Variants in SYNPO observed in about 807,000 individuals in gnomAD.
SYNPO encodes the protein synaptopodin.
Under a neutral mutation model 49.5 loss-of-function variants are expected in SYNPO, and 19 were observed. That is an observed-to-expected ratio of 0.38 (90% CI 0.27 to 0.56). SYNPO has a LOEUF of 0.56. Among genes scored for constraint, SYNPO ranks in the 20% least tolerant of loss-of-function variants. The probability of loss-of-function intolerance (pLI) is 0.68; values close to 1 mark genes in which losing one functional copy is unlikely to be tolerated. For synonymous variants in SYNPO, 536 were observed against 548.0 expected (o/e 0.98, Z 0.31); for missense variants, 1,131 against 1,248.3 (o/e 0.91, Z 1.42).
chr5:150,599,994 G>C (rs1756492717), upstream of SYNPO, among the ~76,000 whole-genome samples: 2 of 152,310 alleles, frequency 1.3e-5, no homozygotes, highest in Middle Eastern at 3.4e-3. Flanking sequence ...CCTGGAGGGA[G>C]CTGGGAACAG....
upstream of SYNPO, among the ~76,000 whole-genome samples, chr5:150,598,017 T>C (rs922793640): frequency 6.6e-6 from 1 of 152,152 alleles, no homozygotes; most frequent in African/African-American, 2.4e-5. Flanking sequence ...CAAACTTCCC[T>C]GTATCAGAAA....
At chr5:150,606,486 G>A (rs1164004665) in intron 1 of SYNPO, among the ~76,000 whole-genome samples, 6 of 152,240 alleles carry the variant, frequency 3.9e-5, no homozygotes, top group African/African-American at 1.2e-4. Flanking sequence ...CACACAGTTC[G>A]TTTTTGGCTT....
upstream of SYNPO, among the ~76,000 whole-genome samples, chr5:150,600,870 C>A (rs562929968): frequency 6.6e-6 from 1 of 152,204 alleles, no homozygotes; most frequent in East Asian, 1.9e-4. Context: ...GTTTGTCAAG[C>A]AGAATATGGG....
chr5:150,652,010 G>A, intron 2 of SYNPO: 1 of 1,000,578 alleles, frequency 1.0e-6, no homozygotes, highest in Non-Finnish European at 1.2e-6. Context: ...TGGGGCAAGG[G>A]GTGGTGGAGG....
In SYNPO at chr5:150,649,155, A is replaced by G; in HGVS notation, c.880A>G (p.Met294Val). 2 of 1,613,744 alleles carry G rather than the reference A, an allele frequency of 1.2e-6. No homozygotes were observed. The highest frequency in any genetic ancestry group is 1.7e-6 in the Non-Finnish European group (2 of 1,179,918). The change falls in exon 2 of 3, where the codon ATG (methionine) becomes GTG (valine). Residue 294 changes from methionine (M) to valine (V), a missense_variant. Around this residue, in one of 4 missense-constraint regions of SYNPO, gnomAD observed 602 missense variants for 720.7 expected, o/e 0.84. Transcript: ENST00000307662. ...GAGACACATAATGTCCCGCAGCCCC[A>G]TGGTGGAAAGGAGGATGATGGGGCA... ...PQRHIMSRSP[M>V]VERRMMGQRS... is the part of the protein sequence containing the mutation.
chr5:150,648,353 G>A lies in SYNPO; in HGVS notation c.78G>A (p.Leu26=). ...KVASEEEEVP[L]VVYLKENAAL... is the part of the protein sequence containing the mutation. ...CCAGTGAGGAGGAAGAGGTACCACT[G>A]GTGGTTTATCTAAAGGAGAATGCAG... The change falls in exon 2 of 3, where the codon CTG becomes CTA. Residue 26 remains leucine (L), a synonymous_variant. Transcript: ENST00000307662. The surrounding 1 kb of genome is among the most constrained non-coding windows in gnomAD (Gnocchi z 5.0). 1 of 1,614,164 alleles carries A rather than the reference G, an allele frequency of 6.2e-7. No homozygotes were observed. The highest frequency in any genetic ancestry group is 1.1e-5 in the South Asian group (1 of 91,080).
upstream of SYNPO, among the ~76,000 whole-genome samples, chr5:150,636,928 G>A (rs1295432310): frequency 2.0e-5 from 3 of 152,180 alleles, no homozygotes; most frequent in Admixed American, 2.0e-4. Context: ...GTCGAGTTAC[G>A]CAGAGGTGGG....
At chr5:150,587,007 G>A in the SYNPO span, among the ~76,000 whole-genome samples, 1 of 151,890 alleles carries the variant, frequency 6.6e-6, no homozygotes, top group Non-Finnish European at 1.5e-5. Context: ...TGCATGGATG[G>A]ATATATGAAT....
intron 2 of SYNPO, among the ~76,000 whole-genome samples, chr5:150,623,160 C>T (rs754202577): frequency 2.2e-4 from 33 of 152,180 alleles, no homozygotes; most frequent in South Asian, 8.3e-4. Flanking sequence ...CACACAAACA[C>T]ACATATTCCC....
chr5:150,611,847 C>A (rs1756856930), intron 1 of SYNPO, among the ~76,000 whole-genome samples: 1 of 152,246 alleles, frequency 6.6e-6, no homozygotes, highest in African/African-American at 2.4e-5. Context: ...TCAGGTGTAG[C>A]AGCAACCTTG....
the SYNPO span, among the ~76,000 whole-genome samples, chr5:150,593,222 C>T: frequency 6.6e-6 from 1 of 152,218 alleles, no homozygotes; most frequent in African/African-American, 2.4e-5. Context: ...GTGCTATCTT[C>T]AGGCAGGGAA....
chr5:150,649,258 C>T lies in SYNPO; in HGVS notation c.983C>T (p.Ala328Val), dbSNP rs2151423583. 1 of 1,614,212 alleles carries T rather than the reference C, an allele frequency of 6.2e-7. No homozygotes were observed. Among genetic ancestry groups the T allele is most frequent in the Non-Finnish European group, 8.5e-7 (1 of 1,180,032 alleles). Residue 328 changes from alanine to valine, a missense_variant, in exon 2 of 3, where the codon GCC (alanine) becomes GTC (valine). Transcript: ENST00000307662. ...ACCTACACTGAGACCTTGTCCACAG[C>T]CCCTCTGGCTTCCTGGGTGAGGTCT... ...PPTYTETLST[A>V]PLASWVRSPP...
At chr5:150,654,994 A>G (rs1045537518) in intron 2 of SYNPO, among the ~76,000 whole-genome samples, 1 of 152,114 alleles carries the variant, frequency 6.6e-6, no homozygotes, top group Admixed American at 6.5e-5. Context: ...GTGTAGTGGC[A>G]GGCACCTGTA....
Position 150,656,674 on chromosome 5 carries a change from C to A in SYNPO, c.2299C>A (p.Arg767Ser). Residue 767 changes from arginine (R) to serine (S), a missense_variant, in exon 3 of 3, where the codon CGC becomes AGC. Physicochemically the swap from Arg to Ser is moderately radical, Grantham distance 110. Transcript: ENST00000307662. ...GCGAAACATCATCAATGCGGCCCGG[C>A]GCAAGAGCGCCTCCCCGCGGTCGGC... ...LARNIINAAR[R>S]KSASPRSAGA... 6.8e-7 allele frequency: 1 copy of A among 1,472,734 alleles called. No homozygotes were observed. Among genetic ancestry groups the A allele is most frequent in the South Asian group, 1.3e-5 (1 of 77,738 alleles). The allele number at this position is 1,472,734 out of a possible 1,614,324, so 91.2% of individuals were successfully genotyped here. A position where few individuals can be genotyped will look rare whatever the true frequency, so the allele number is the denominator to read the frequency against.
upstream of SYNPO, among the ~76,000 whole-genome samples, chr5:150,599,398 T>C (rs1756481708): frequency 6.6e-6 from 1 of 152,192 alleles, no homozygotes; most frequent in Non-Finnish European, 1.5e-5. Flanking sequence ...GGAAAGTGAC[T>C]GTTATTGGCT....
At chr5:150,616,067 G>A (rs1756976267) in intron 1 of SYNPO, among the ~76,000 whole-genome samples, 2 of 152,206 alleles carry the variant, frequency 1.3e-5, no homozygotes. Flanking sequence ...ACAGGTGCCT[G>A]GTTATCTTTC....
In SYNPO at chr5:150,650,184, G is replaced by T; in HGVS notation, c.1909G>T (p.Val637Leu). 1 of 1,613,978 alleles carries T rather than the reference G, an allele frequency of 6.2e-7. No individual in the cohort carries two copies. Among genetic ancestry groups the T allele is most frequent in the South Asian group, 1.1e-5 (1 of 91,082 alleles). The change falls in exon 2 of 3, where the codon GTG becomes TTG. Residue 637 changes from valine to leucine, a missense_variant. Transcript: ENST00000307662. ...PGQDSLQPTAVSPPYGGDISP... is the reference protein window; with the variant it reads ...PGQDSLQPTALSPPYGGDISP... ...CCAGGACAGCCTGCAGCCCACTGCC[G>T]TGAGCCCTCCTTACGGCGGTGACAT...
chr5:150,619,634 T>C (rs1757089664), intron 2 of SYNPO, among the ~76,000 whole-genome samples: 1 of 152,074 alleles, frequency 6.6e-6, no homozygotes, highest in South Asian at 2.1e-4. Flanking sequence ...AGCAGGGCCA[T>C]GCTCAGCTCA....
chr5:150,590,812 T>C, the SYNPO span, among the ~76,000 whole-genome samples: 1 of 152,138 alleles, frequency 6.6e-6, no homozygotes, highest in Non-Finnish European at 1.5e-5. Context: ...GTTATCGTTG[T>C]TGCTGGTAAT....
Sources: gnomAD v4.1 joint callset for allele counts (sites outside exome capture counted in the v4.1 genomes callset) on GRCh38, gnomAD v4.1.1 for gene constraint, gnomAD v4.1.1 regional missense constraint, Gnocchi (gnomAD v3.1) non-coding constraint, MANE v1.5 for transcripts, NCBI Gene and HGNC (gene_info 2026-07-23, HGNC 2026-07-21) for gene names.